CCDC18: variants seen among roughly 807,000 people sequenced by gnomAD.
CCDC18 encodes coiled-coil domain-containing protein 18.
In CCDC18, 157 loss-of-function variants were observed where a neutral mutation model predicts 196.0. That is an observed-to-expected ratio of 0.80 (90% confidence interval 0.70 to 0.91). The LOEUF is 0.91. Ranked by LOEUF, CCDC18 falls within the 40% of genes least tolerant of loss-of-function variation. CCDC18 has a pLI of 0.00. For missense variants in CCDC18, 1,465 were observed against 1,611.6 expected, an observed-to-expected ratio of 0.91 and a Z score of 1.56; for synonymous variants, 482 against 529.2, an observed-to-expected ratio of 0.91 and a Z score of 1.22.
chr1:93,255,769 GGAAGAGGAA>G (rs3067453), intron 24 of CCDC18, among the ~76,000 whole-genome samples: 1 of 145,120 alleles, frequency 6.9e-6, no homozygotes. Flanking sequence ...AAGAAGAGGA[GGAAGAGGAA>G]GAAGAGGAAG....
At chr1:93,254,416 G>C in intron 23 of CCDC18, 55 bp from the exon 24 acceptor site, 2 of 1,324,882 alleles carry the variant, frequency 1.5e-6, no homozygotes, top group Non-Finnish European at 2.1e-6. Context: ...ACACAGCATT[G>C]ATTAAATTAC....
At chr1:93,218,532 T>A (rs627779) in intron 14 of CCDC18, among the ~76,000 whole-genome samples, 1 of 151,462 alleles carries the variant, frequency 6.6e-6, no homozygotes, top group Non-Finnish European at 1.5e-5. Context: ...TTTTTTGAGA[T>A]AGAGTCTCGC....
chr1:93,249,721 A>C (rs115615989), intron 23 of CCDC18, among the ~76,000 whole-genome samples: 1 of 152,204 alleles, frequency 6.6e-6, no homozygotes, highest in East Asian at 1.9e-4. Context: ...AATCCTATCA[A>C]ATATATTCTC....
intron 6 of CCDC18, among the ~76,000 whole-genome samples, chr1:93,197,740 CTTTTCTTTTTTTT>C (rs1171717125): frequency 1.7e-5 from 2 of 114,890 alleles, no homozygotes; most frequent in Non-Finnish European, 3.5e-5. Context: ...CATTTCTTTT[CTTTTCTTTTTTTT>C]TTTTTTTTTT....
chr1:93,191,041 G>T, intron 4 of CCDC18: 2 of 885,138 alleles, frequency 2.3e-6, no homozygotes, highest in Non-Finnish European at 1.8e-6. Context: ...AGTCCTGCAG[G>T]TTTTAGGAAT....
In CCDC18 at chr1:93,270,575, G is replaced by A; in HGVS notation, c.4114G>A (p.Glu1372Lys). The A allele has an allele frequency of 1.3e-6, 2 of 1,550,368 alleles. No homozygotes were observed. Among genetic ancestry groups the A allele is most frequent in the Non-Finnish European group, 1.7e-6 (2 of 1,146,890 alleles). Residue 1372 changes from glutamate (E) to lysine (K), a missense_variant, in exon 28 of 29, where the codon GAA becomes AAA. Glu to Lys is a moderately conservative substitution (Grantham distance 56). Coordinates refer to ENST00000690025, the MANE Select transcript of CCDC18 (RefSeq NM_001378204.1). ...AATTCATGGTGATGAAGATCTTTCT[G>A]AAGAATTACTACAGGACTTAAAGAA... is the stretch of plus-strand genomic sequence containing the variant. ...FKIHGDEDLS[E>K]ELLQDLKKMQ...
In CCDC18 at chr1:93,221,687, A is replaced by G. The variant is rs957466060; in HGVS notation, c.2041A>G (p.Ile681Val). Residue 681 changes from isoleucine to valine, a missense_variant, in exon 15 of 29, where the codon ATA (isoleucine) becomes GTA (valine). Transcript: ENST00000690025. ...KTMSMLQQDI[I>V]CKQHHLESLD... ...TATGTCCATGTTGCAACAAGATATA[A>G]TATGCAAACAACATCATCTTGAATC... The G allele has an allele frequency of 1.9e-6, 3 of 1,594,988 alleles. No homozygotes were observed. The highest frequency in any genetic ancestry group is 2.6e-6 in the Non-Finnish European group (3 of 1,174,236).
At chr1:93,205,690 C>T (rs2101899038) in intron 8 of CCDC18, 59 bp downstream of exon 8, 1 of 1,400,846 alleles carries the variant, frequency 7.1e-7, no homozygotes. Context: ...AACTGAAACA[C>T]TTTAAAACAC....
At chr1:93,256,197 G>A (rs1662942607) in intron 24 of CCDC18, 138 bp from the exon 25 acceptor site, 1 of 695,488 alleles carries the variant, frequency 1.4e-6, no homozygotes, top group Non-Finnish European at 2.4e-6. Flanking sequence ...CTCATTGTAT[G>A]TTAAATTTTA....
intron 28 of CCDC18, chr1:93,271,276 A>G: frequency 6.1e-6 from 6 of 985,420 alleles, no homozygotes; most frequent in Non-Finnish European, 7.2e-6. Context: ...TGAATTAGCC[A>G]TTATTTAAAA....
At chr1:93,240,013 C>A in intron 21 of CCDC18, 117 bp downstream of exon 21, 2 of 723,210 alleles carry the variant, frequency 2.8e-6, no homozygotes, top group East Asian at 5.4e-5. Context: ...CACTTTGGCT[C>A]ATCCCAGCCA....
chr1:93,276,668 C>T (rs1398376687), intron 28 of CCDC18, among the ~76,000 whole-genome samples: 1 of 152,136 alleles, frequency 6.6e-6, no homozygotes, highest in African/African-American at 2.4e-5. Context: ...TTCACACCCT[C>T]AGTAAAGATG....
chr1:93,245,951 T>C (rs1172630425), intron 21 of CCDC18, among the ~76,000 whole-genome samples, 154 bp from the exon 22 acceptor site: 1 of 152,176 alleles, frequency 6.6e-6, no homozygotes, highest in African/African-American at 2.4e-5. Flanking sequence ...TTTTTCTTTA[T>C]CTATTATTCC....
In CCDC18 at chr1:93,186,458, T is replaced by G. The variant is rs1237153811; in HGVS notation, c.417T>G (p.Thr139=). ...TCACACAGAATCATTCCTTAATGACTAAATTTGAATCTATTCACTTTGAAT... is the reference window on the plus strand; with the variant it reads ...TCACACAGAATCATTCCTTAATGACGAAATTTGAATCTATTCACTTTGAAT... The part of the protein sequence containing the change: ...CLVTQNHSLM[T]KFESIHFELT... The change falls in exon 4 of 29, where the codon ACT becomes ACG. Residue 139 remains threonine, a synonymous_variant. Transcript: ENST00000690025. The G allele has an allele frequency of 6.2e-7, 1 of 1,610,912 alleles. No individual in the cohort carries two copies. Among genetic ancestry groups the G allele is most frequent in the Admixed American group, 1.7e-5 (1 of 59,688 alleles).
intron 27 of CCDC18, among the ~76,000 whole-genome samples, chr1:93,266,127 A>T (rs1443110979): frequency 2.0e-5 from 3 of 152,246 alleles, no homozygotes; most frequent in Middle Eastern, 3.2e-3. Flanking sequence ...ATTAGAACTC[A>T]GGATTAAGAA....
At chr1:93,265,885 C>T (rs1423908185) in intron 27 of CCDC18, among the ~76,000 whole-genome samples, 2 of 150,340 alleles carry the variant, frequency 1.3e-5, no homozygotes, top group Non-Finnish European at 3.0e-5. Context: ...GACAGATCAA[C>T]GAGACAGAAA....
intron 6 of CCDC18, among the ~76,000 whole-genome samples, chr1:93,194,055 C>A: frequency 6.6e-6 from 1 of 151,878 alleles, no homozygotes. Context: ...GTTTAAAATA[C>A]TAACAGGGAA....
chr1:93,235,148 T>C (rs1333065519), intron 18 of CCDC18, among the ~76,000 whole-genome samples: 1 of 151,972 alleles, frequency 6.6e-6, no homozygotes, highest in Non-Finnish European at 1.5e-5. Flanking sequence ...TTATGATCTA[T>C]ATTTAGTTCT....
At chr1:93,180,018 T>C (rs769855500), upstream of CCDC18, 3 of 1,596,198 alleles carry the variant, frequency 1.9e-6, no homozygotes, top group Non-Finnish European at 2.6e-6. Context: ...TGCAGCTGGG[T>C]TAAAGGAAGG....
Sources: gnomAD v4.1 joint callset for allele counts (sites outside exome capture counted in the v4.1 genomes callset) on GRCh38, gnomAD v4.1.1 for gene constraint, MANE v1.5 for transcripts, NCBI Gene and HGNC (gene_info 2026-07-23, HGNC 2026-07-21) for gene names.